The following CAMTA1 variants were observed in gnomAD, a reference collection of about 807,000 sequenced individuals.
The protein encoded by CAMTA1 is calmodulin-binding transcription activator 1.
A neutral mutation model predicts 170.9 loss-of-function variants in CAMTA1; 27 were observed. The ratio of observed to expected loss-of-function variants is 0.16; its 90% CI spans 0.12 to 0.22. CAMTA1 has a LOEUF of 0.22. Among genes scored for constraint, CAMTA1 ranks in the 10% least tolerant of loss-of-function variants. CAMTA1 has a pLI of 1.00. For synonymous variants in CAMTA1, 833 were observed against 891.5 expected (o/e 0.93, Z 1.17); for missense variants, 1,619 against 2,217.2 (o/e 0.73, Z 5.42).
rs1706248889 is a variant in CAMTA1, at chr1:7,050,953, G to A, written c.235-40351G>A. On this transcript the variant is annotated intron_variant, in intron 3 of 22. Coordinates refer to ENST00000303635, the MANE Select transcript of CAMTA1 (RefSeq NM_015215.4). The surrounding 1 kb of genome is among the most constrained non-coding windows in gnomAD (Gnocchi z 4.8). ...CGGCCCTCTGTACTGTGTGTTCCCA[G>A]GCACAGGGAGAATGACTGTGCTGCC... Among the ~76,000 whole-genome samples, 1 of 152,196 alleles carries A rather than the reference G, an allele frequency of 6.6e-6. No individual in the cohort carries two copies. Among genetic ancestry groups the A allele is most frequent in the Admixed American group, 6.5e-5 (1 of 15,286 alleles).
chr1:7,764,546 A>G (rs1320093439), intron 22 of CAMTA1, among the ~76,000 whole-genome samples: 1 of 152,204 alleles, frequency 6.6e-6, no homozygotes, highest in Non-Finnish European at 1.5e-5. Flanking sequence ...GTAAATATAA[A>G]TGTTTTCTTA....
chr1:7,218,091 A>G (rs1169951917), intron 4 of CAMTA1, among the ~76,000 whole-genome samples: 1 of 152,166 alleles, frequency 6.6e-6, no homozygotes, highest in Non-Finnish European at 1.5e-5. Flanking sequence ...CTAGATATAA[A>G]ATCTTTGAGT....
intron 5 of CAMTA1, among the ~76,000 whole-genome samples, chr1:7,255,514 G>A (rs1408044345): frequency 6.6e-6 from 1 of 151,880 alleles, no homozygotes; most frequent in Non-Finnish European, 1.5e-5. Flanking sequence ...CCCGCCCCAA[G>A]GCTATCTCCC....
At chr1:7,711,722 C>T (rs1176239125) in intron 11 of CAMTA1, among the ~76,000 whole-genome samples, 2 of 152,144 alleles carry the variant, frequency 1.3e-5, no homozygotes, top group South Asian at 2.1e-4. Context: ...TTTAAATATC[C>T]TCTTTTCTAG....
At chr1:7,206,125 G>C (rs1436594037) in intron 4 of CAMTA1, among the ~76,000 whole-genome samples, 1 of 152,102 alleles carries the variant, frequency 6.6e-6, no homozygotes, top group African/African-American at 2.4e-5. Flanking sequence ...TTTAGTGTCT[G>C]GTAGGGCTTA....
At chr1:7,530,812 G>GTTTTTTTTT (rs34013817) in intron 6 of CAMTA1, among the ~76,000 whole-genome samples, 2 of 100,776 alleles carry the variant, frequency 2.0e-5, no homozygotes, top group East Asian at 3.1e-4. Flanking sequence ...GTGAGCTCTT[G>GTTTTTTTTT]TTTTTTTTTT....
intron 3 of CAMTA1, among the ~76,000 whole-genome samples, chr1:6,973,434 T>C (rs1395050865): frequency 6.6e-6 from 1 of 152,186 alleles, no homozygotes; most frequent in Non-Finnish European, 1.5e-5. Context: ...GGCTCATCCA[T>C]GTTGTCACAT....
At position 7,113,268 on chromosome 1, in the gene CAMTA1, T is replaced by C. The variant is rs1644171284; in HGVS notation, c.302+21897T>C. Reference sequence around the variant, plus strand: ...GCACCCTGGGGCCAGAGGATCGTGGTTGGCCGTGGGCTGGTCACTGCCATG... The same window carrying C: ...GCACCCTGGGGCCAGAGGATCGTGGCTGGCCGTGGGCTGGTCACTGCCATG... On this transcript the variant is annotated intron_variant, in intron 4 of 22. Coordinates refer to ENST00000303635, the MANE Select transcript of CAMTA1 (RefSeq NM_015215.4). This position sits in a 1 kb window ranked among gnomAD's most constrained non-coding sequence, Gnocchi z 4.5. Among the ~76,000 whole-genome samples, 1 of 152,238 alleles carries C rather than the reference T, an allele frequency of 6.6e-6. No individual in the cohort carries two copies. The highest frequency in any genetic ancestry group is 1.5e-5 in the Non-Finnish European group (1 of 68,040).
intron 3 of CAMTA1, among the ~76,000 whole-genome samples, chr1:6,836,522 C>G (rs1653168156): frequency 6.6e-6 from 1 of 152,124 alleles, no homozygotes; most frequent in South Asian, 2.1e-4. Flanking sequence ...AGAAAAGAAA[C>G]TGGGAGGCCC....
At chr1:6,932,754 G>C (rs1204658590) in intron 3 of CAMTA1, among the ~76,000 whole-genome samples, 1 of 152,248 alleles carries the variant, frequency 6.6e-6, no homozygotes, top group African/African-American at 2.4e-5. Context: ...ATGATGTTGA[G>C]CATCTTTACC....
In CAMTA1 at chr1:7,521,166, T is replaced by C. The variant is rs118088682; in HGVS notation, c.510+53265T>C. Among the ~76,000 whole-genome samples, 1,497 of 152,308 alleles carry C rather than the reference T, an allele frequency of 9.8e-3. 44 individuals are homozygous for C. Among genetic ancestry groups the C allele is most frequent in the South Asian group, 0.078 (379 of 4,830 alleles). ...CCCGCTTTTATTACACTTTAAAATG[T>C]CCTCTCTTTTATGAAAGCATGGTGA... On this transcript the variant is annotated intron_variant, in intron 6 of 22. Coordinates refer to ENST00000303635, the MANE Select transcript of CAMTA1 (RefSeq NM_015215.4).
intron 5 of CAMTA1, among the ~76,000 whole-genome samples, chr1:7,282,320 T>G (rs1228494426): frequency 2.0e-5 from 3 of 152,068 alleles, no homozygotes; most frequent in Non-Finnish European, 4.4e-5. Flanking sequence ...CCCCATCTGC[T>G]CTTGCCCCTC....
chr1:6,793,779 G>C (rs1395188388), intron 1 of CAMTA1, among the ~76,000 whole-genome samples: 1 of 152,040 alleles, frequency 6.6e-6, no homozygotes, highest in Non-Finnish European at 1.5e-5. Context: ...TTTCCTTCAT[G>C]GTGCTTGATT....
At chr1:7,184,931 C>G (rs1652943773) in intron 4 of CAMTA1, among the ~76,000 whole-genome samples, 2 of 152,124 alleles carry the variant, frequency 1.3e-5, no homozygotes, top group South Asian at 4.1e-4. Flanking sequence ...GAGGAAACAA[C>G]TGTAAAAGAA....
At chr1:7,124,205 TG>T (rs1469961353) in intron 4 of CAMTA1, among the ~76,000 whole-genome samples, 1 of 152,142 alleles carries the variant, frequency 6.6e-6, no homozygotes, top group Non-Finnish European at 1.5e-5. Flanking sequence ...CTGTTCTGGC[TG>T]GGGCCCTCTT....
chr1:6,981,592 A>G (rs763793898), intron 3 of CAMTA1, among the ~76,000 whole-genome samples: 17 of 150,882 alleles, frequency 1.1e-4, no homozygotes, highest in Non-Finnish European at 1.8e-4. Context: ...ACCACTACAC[A>G]TGGCTAATTT....
intron 3 of CAMTA1, among the ~76,000 whole-genome samples, chr1:6,944,389 C>T (rs926303289): frequency 2.0e-5 from 3 of 152,226 alleles, no homozygotes; most frequent in Non-Finnish European, 2.9e-5. Flanking sequence ...CCGGGCCTTC[C>T]TGTTCTCTCA....
rs761399784 is a variant in CAMTA1 at position 7,633,178 on chromosome 1, C to T, written c.511-7222C>T. On this transcript the variant is annotated intron_variant, in intron 6 of 22. Transcript: ENST00000303635. The surrounding 1 kb of genome is among the most constrained non-coding windows in gnomAD (Gnocchi z 4.1). ...GTCCCTGCAGTTTGGGTGAAAGGTG[C>T]CATCTAGAAAAGGTTCTCAAAGAGA... Among the ~76,000 whole-genome samples the T allele has an allele frequency of 5.9e-5, 9 of 152,216 alleles. No homozygotes were observed. The highest frequency in any genetic ancestry group is 2.1e-4 in the South Asian group (1 of 4,836).
intron 6 of CAMTA1, among the ~76,000 whole-genome samples, chr1:7,555,823 C>T (rs1298183861): frequency 6.6e-6 from 1 of 152,212 alleles, no homozygotes; most frequent in East Asian, 1.9e-4. Context: ...TCCACCTGTT[C>T]TCCTAAATGC....
Sources: allele counts gnomAD v4.1 joint callset (sites outside exome capture counted in the v4.1 genomes callset), GRCh38; gene constraint gnomAD v4.1.1; non-coding constraint Gnocchi (gnomAD v3.1); transcripts MANE v1.5; gene names NCBI Gene and HGNC (gene_info 2026-07-23, HGNC 2026-07-21).